NFIB: variants seen among roughly 807,000 people sequenced by gnomAD.
The protein encoded by NFIB is nuclear factor 1 B-type.
Under a neutral mutation model 61.5 loss-of-function variants are expected in NFIB, and 11 were observed. The observed-to-expected ratio is 0.18, with a 90% CI of 0.11 to 0.30. The LOEUF is 0.30. Among genes scored for constraint, NFIB ranks in the 10% least tolerant of loss-of-function variants. NFIB has a pLI of 1.00. For synonymous variants in NFIB, 260 were observed against 216.5 expected, an observed-to-expected ratio of 1.20 and a Z score of -1.76; for missense variants, 471 against 608.9, an observed-to-expected ratio of 0.77 and a Z score of 2.38.
chr9:14,224,141 G>A (rs552577306), intron 2 of NFIB, among the ~76,000 whole-genome samples: 1 of 152,164 alleles, frequency 6.6e-6, no homozygotes, highest in African/African-American at 2.4e-5. Context: ...CAGCTTTTAA[G>A]ATATTTCTGG....
At chr9:14,300,018 C>G (rs1393681710) in intron 2 of NFIB, among the ~76,000 whole-genome samples, 1 of 152,162 alleles carries the variant, frequency 6.6e-6, no homozygotes, top group East Asian at 1.9e-4. Flanking sequence ...ACAAGCTAAT[C>G]CCACAGACTC....
chr9:14,379,935 A>T (rs952140102), intron 1 of NFIB, among the ~76,000 whole-genome samples: 20 of 151,992 alleles, frequency 1.3e-4, no homozygotes, highest in African/African-American at 4.8e-4. Context: ...CGCCCACTTC[A>T]GCCTCCCAAA....
At chr9:14,129,850 A>T (rs2040189399) in intron 6 of NFIB, among the ~76,000 whole-genome samples, 1 of 152,204 alleles carries the variant, frequency 6.6e-6, no homozygotes, top group Admixed American at 6.5e-5. Flanking sequence ...AAGTTGAATA[A>T]TACATAAAAT....
intron 1 of NFIB, among the ~76,000 whole-genome samples, chr9:14,353,835 G>C (rs2132922508): frequency 6.6e-6 from 1 of 150,406 alleles, no homozygotes; most frequent in East Asian, 2.0e-4. Context: ...CTCTAGTGGA[G>C]AGCGAGAGGG....
chr9:14,131,921 C>A (rs752919412), intron 6 of NFIB, among the ~76,000 whole-genome samples: 1 of 152,146 alleles, frequency 6.6e-6, no homozygotes, highest in Non-Finnish European at 1.5e-5. Flanking sequence ...GTCTGGGACA[C>A]CTGCTCCTTT....
At position 14,243,976 on chromosome 9, in the gene NFIB, G is replaced by A. The variant is rs554448789; in HGVS notation, c.562+63013C>T. Among the ~76,000 whole-genome samples, 7 of 152,314 alleles carry A rather than the reference G, an allele frequency of 4.6e-5. No homozygotes were observed. The South Asian group carries it at 1.2e-3, about 27-fold the overall frequency. Reference sequence around the variant, plus strand: ...AATTACCGTATACTGTAGTTATCACGTGAGAATTAGCAATGCACTAAAATA... The same window carrying A: ...AATTACCGTATACTGTAGTTATCACATGAGAATTAGCAATGCACTAAAATA... On this transcript the variant is annotated intron_variant, in intron 2 of 10. Transcript: ENST00000380953.
intron 3 of NFIB, among the ~76,000 whole-genome samples, chr9:14,160,193 T>C (rs1047371990): frequency 1.3e-5 from 2 of 152,230 alleles, no homozygotes; most frequent in Non-Finnish European, 2.9e-5. Flanking sequence ...TATCAAATTA[T>C]ATTATTTTAC....
At chr9:14,124,827 G>A (rs558994238) in intron 7 of NFIB, among the ~76,000 whole-genome samples, 12 of 152,216 alleles carry the variant, frequency 7.9e-5, no homozygotes, top group Non-Finnish European at 1.2e-4. Flanking sequence ...AAGTGTACTA[G>A]CCCAAAGGAT....
intron 2 of NFIB, among the ~76,000 whole-genome samples, chr9:14,202,604 T>C (rs10961417): frequency 0.022 from 3,372 of 152,214 alleles, 186 homozygotes; most frequent in East Asian, 0.16. Flanking sequence ...TTTAAAAAAA[T>C]CATCACCAAA....
the NFIB span, among the ~76,000 whole-genome samples, chr9:14,521,704 A>G: frequency 6.6e-6 from 1 of 152,322 alleles, no homozygotes; most frequent in Non-Finnish European, 1.5e-5. Context: ...TTGGGTGGAA[A>G]GATAATCAAA....
intron 2 of NFIB, among the ~76,000 whole-genome samples, chr9:14,301,123 G>A (rs1466715898): frequency 6.6e-6 from 1 of 152,104 alleles, no homozygotes; most frequent in Non-Finnish European, 1.5e-5. Context: ...TAACTTTAAA[G>A]AACTAAAGCT....
the NFIB span, among the ~76,000 whole-genome samples, chr9:14,405,433 G>A: frequency 2.0e-5 from 3 of 152,212 alleles, no homozygotes; most frequent in Admixed American, 1.3e-4. Context: ...GCTAAGCAAC[G>A]AGGATGTGAA....
chr9:14,313,680 A>G lies in NFIB; in HGVS notation c.-169T>C. ...ACAACAAACCCAGTCCTCCTTAAATAGCCAAAGATTCAAGTTCACTCGGCG... is the reference window on the plus strand; with the variant it reads ...ACAACAAACCCAGTCCTCCTTAAATGGCCAAAGATTCAAGTTCACTCGGCG... On this transcript the variant is annotated 5_prime_UTR_variant, in exon 1 of 11. Coordinates refer to ENST00000380953, the MANE Select transcript of NFIB (RefSeq NM_001190737.2). This position sits in a 1 kb window ranked among gnomAD's most constrained non-coding sequence, Gnocchi z 4.5. The G allele has an allele frequency of 6.9e-7, 1 of 1,444,298 alleles. No homozygotes were observed. The highest frequency in any genetic ancestry group is 9.1e-7 in the Non-Finnish European group (1 of 1,098,258). The allele number at this position is 1,444,298 out of a possible 1,614,324, so 89.5% of individuals were successfully genotyped here.
Position 14,313,808 on chromosome 9 carries a change from C to T in NFIB, c.-297G>A, listed in dbSNP as rs1346686371. ...AGGCCGCCGCCGCCGCCGGTGTTGGCTGCTTTTCGCCTGGGTTTGGGGATT... is the reference window on the plus strand; with the variant it reads ...AGGCCGCCGCCGCCGCCGGTGTTGGTTGCTTTTCGCCTGGGTTTGGGGATT... On this transcript the variant is annotated 5_prime_UTR_variant, in exon 1 of 11. Coordinates refer to ENST00000380953, the MANE Select transcript of NFIB (RefSeq NM_001190737.2). The surrounding 1 kb of genome is among the most constrained non-coding windows in gnomAD (Gnocchi z 4.5). The T allele has an allele frequency of 1.5e-6, 2 of 1,324,982 alleles. No homozygotes were observed. The highest frequency in any genetic ancestry group is 1.5e-5 in the African/African-American group (1 of 66,794). The allele number at this position is 1,324,982 out of a possible 1,614,324, so 82.1% of individuals were successfully genotyped here. A position where few individuals can be genotyped will look rare whatever the true frequency, so the allele number is the denominator to read the frequency against.
intron 1 of NFIB, among the ~76,000 whole-genome samples, chr9:14,394,111 A>T (rs1339582374): frequency 2.6e-5 from 4 of 152,232 alleles, no homozygotes; most frequent in Non-Finnish European, 5.9e-5. Flanking sequence ...GTGTTATGCA[A>T]AACACTGCAG....
intron 1 of NFIB, among the ~76,000 whole-genome samples, chr9:14,344,108 AAGAGAGAGAGAGAG>A (rs149708104): frequency 1.4e-5 from 2 of 141,458 alleles, no homozygotes; most frequent in Non-Finnish European, 3.1e-5. Flanking sequence ...GAGAGAGAGA[AAGAGAGAGAGAGAG>A]AGAGAGAGAG....
At chr9:14,489,491 AT>A in the NFIB span, among the ~76,000 whole-genome samples, 4 of 150,960 alleles carry the variant, frequency 2.6e-5, no homozygotes, top group East Asian at 1.9e-4. Flanking sequence ...GTATTCACTC[AT>A]TTTTTTTTCA....
At chr9:14,175,497 T>G (rs181725997) in intron 3 of NFIB, among the ~76,000 whole-genome samples, 1 of 152,254 alleles carries the variant, frequency 6.6e-6, no homozygotes, top group Non-Finnish European at 1.5e-5. Context: ...ATTTCTTAAG[T>G]GCAAGATAAG....
the NFIB span, among the ~76,000 whole-genome samples, chr9:14,498,631 T>G: frequency 3.9e-5 from 6 of 151,970 alleles, no homozygotes; most frequent in African/African-American, 1.5e-4. Flanking sequence ...TCAGAGGAAA[T>G]TTGGGTGTCT....
Sources: gnomAD v4.1 joint callset for allele counts (sites outside exome capture counted in the v4.1 genomes callset) on GRCh38, gnomAD v4.1.1 for gene constraint, Gnocchi (gnomAD v3.1) non-coding constraint, MANE v1.5 for transcripts, NCBI Gene and HGNC (gene_info 2026-07-23, HGNC 2026-07-21) for gene names.